The following TENM3 variants were observed in gnomAD, a reference collection of about 807,000 sequenced individuals.
The protein encoded by TENM3 is teneurin transmembrane protein 3.
A neutral mutation model predicts 255.1 loss-of-function variants in TENM3; 63 were observed. The observed-to-expected ratio is 0.25, with a 90% CI of 0.20 to 0.30. TENM3 has a LOEUF of 0.30. Ranked by LOEUF, TENM3 falls within the 10% of genes least tolerant of loss-of-function variation. The probability of loss-of-function intolerance (pLI) is 1.00; values close to 1 mark genes in which losing one functional copy is unlikely to be tolerated. For missense variants in TENM3, 2,929 were observed against 3,461.1 expected, an observed-to-expected ratio of 0.85 and a Z score of 3.86; for synonymous variants, 1,306 against 1,322.3, an observed-to-expected ratio of 0.99 and a Z score of 0.27.
At chr4:181,602,759 C>T in the TENM3 span, among the ~76,000 whole-genome samples, 2 of 152,186 alleles carry the variant, frequency 1.3e-5, no homozygotes, top group Non-Finnish European at 2.9e-5. Flanking sequence ...ACATATGGAT[C>T]ACTATAAGAG....
chr4:181,805,461 C>T, the TENM3 span, among the ~76,000 whole-genome samples: 1 of 152,106 alleles, frequency 6.6e-6, no homozygotes, highest in Non-Finnish European at 1.5e-5. Flanking sequence ...TTCAAGTGCC[C>T]ACGGAAAGGT....
chr4:182,455,024 G>T (rs1335775802), intron 3 of TENM3, among the ~76,000 whole-genome samples: 3 of 152,096 alleles, frequency 2.0e-5, no homozygotes, highest in African/African-American at 7.2e-5. Context: ...GAAAAAACTG[G>T]CCCATTACCA....
At chr4:182,234,108 G>T (rs764130681) in intron 1 of TENM3, among the ~76,000 whole-genome samples, 2 of 152,158 alleles carry the variant, frequency 1.3e-5, no homozygotes, top group African/African-American at 4.8e-5. Context: ...CAAGTTCACC[G>T]TGAAAGCCTG....
At chr4:181,605,548 A>AAGGG in the TENM3 span, among the ~76,000 whole-genome samples, 4 of 31,956 alleles carry the variant, frequency 1.3e-4, 1 homozygote, top group African/African-American at 3.0e-4. Flanking sequence ...GAAAGAAAGA[A>AAGGG]AGAAAGAAAG....
At chr4:182,502,111 C>CG (rs1736375757) in intron 3 of TENM3, among the ~76,000 whole-genome samples, 1 of 152,222 alleles carries the variant, frequency 6.6e-6, no homozygotes, top group Non-Finnish European at 1.5e-5. Flanking sequence ...TGTGAAGGCA[C>CG]TGCTCCATTG....
chr4:182,703,018 G>A (rs1758011362), intron 12 of TENM3, among the ~76,000 whole-genome samples: 1 of 152,212 alleles, frequency 6.6e-6, no homozygotes, highest in Admixed American at 6.5e-5. Context: ...TTACAGGCGT[G>A]AGCCACCGCG....
chr4:182,708,027 C>G (rs1446269636), intron 12 of TENM3: 1 of 149,018 alleles, frequency 6.7e-6, no homozygotes, highest in African/African-American at 2.5e-5. Context: ...CTCCAAGAGA[C>G]GACATTGTGA....
chr4:182,413,818 T>G (rs765711699), intron 3 of TENM3, among the ~76,000 whole-genome samples: 30 of 152,364 alleles, frequency 2.0e-4, no homozygotes, highest in Non-Finnish European at 3.5e-4. Flanking sequence ...AAATATCTTT[T>G]ATTTAATAAA....
rs1030337088 is a variant in TENM3, at chr4:182,199,377, G to A, written c.-76+54623G>A. Among the ~76,000 whole-genome samples the A allele has an allele frequency of 2.6e-5, 4 of 152,052 alleles. No individual in the cohort carries two copies. In the East Asian group the frequency reaches 5.8e-4, roughly 22 times the overall value. On this transcript the variant is annotated intron_variant, in intron 1 of 2. Transcript: ENST00000512480. ...GCGGAGGTTGCAGTGAGCCAAGATCGCACCACTGCACTCCAGCCTGGGCAA... is the reference window on the plus strand; with the variant it reads ...GCGGAGGTTGCAGTGAGCCAAGATCACACCACTGCACTCCAGCCTGGGCAA...
rs541724928 is a variant in TENM3 at position 182,207,319 on chromosome 4, T to C, written c.-76+62565T>C. On this transcript the variant is annotated intron_variant, in intron 1 of 2. Coordinates refer to the TENM3 transcript ENST00000512480. ...CCTGCTGGAAAATGTAAAACACTTA[T>C]TTAGGCAGCTCTAGGTTCACTTGGT... 1.2e-4 allele frequency among the ~76,000 whole-genome samples: 19 copies of C among 152,318 alleles called. No individual in the cohort carries two copies. In the South Asian group the frequency reaches 3.5e-3, roughly 28 times the overall value.
At chr4:182,283,467 G>A (rs954272712) in intron 1 of TENM3, among the ~76,000 whole-genome samples, 2 of 152,140 alleles carry the variant, frequency 1.3e-5, no homozygotes, top group Non-Finnish European at 2.9e-5. Flanking sequence ...TTCATCTTTT[G>A]GATGAATGGA....
At chr4:181,954,103 T>G in the TENM3 span, among the ~76,000 whole-genome samples, 5 of 152,240 alleles carry the variant, frequency 3.3e-5, no homozygotes, top group Admixed American at 1.3e-4. Context: ...TATCAGTAGC[T>G]CATTCCTTTT....
intron 4 of TENM3, 30 bp from the exon 5 acceptor site, chr4:182,628,621 A>C: frequency 7.3e-7 from 1 of 1,371,026 alleles, no homozygotes. Context: ...ACATATTTGT[A>C]TCTTATAATG....
intron 3 of TENM3, among the ~76,000 whole-genome samples, chr4:182,486,315 T>TGTG (rs1554074644): frequency 9.0e-6 from 1 of 111,338 alleles, no homozygotes; most frequent in Non-Finnish European, 1.7e-5. Flanking sequence ...TAATTGTGTG[T>TGTG]GGGGGGGAGG....
the TENM3 span, among the ~76,000 whole-genome samples, chr4:181,692,749 G>A: frequency 4.6e-5 from 7 of 152,182 alleles, no homozygotes; most frequent in Non-Finnish European, 8.8e-5. Context: ...GATGGTATGC[G>A]GGGCATCAGA....
chr4:181,553,324 A>G, the TENM3 span, among the ~76,000 whole-genome samples: 20,220 of 123,294 alleles, frequency 0.16, 1,618 homozygotes, highest in Middle Eastern at 0.3. Flanking sequence ...GTATGCGTAT[A>G]TATATATATA....
chr4:182,221,195 T>G (rs1755833080), intron 1 of TENM3, among the ~76,000 whole-genome samples: 1 of 152,234 alleles, frequency 6.6e-6, no homozygotes, highest in Admixed American at 6.5e-5. Context: ...ACCGTGCCTT[T>G]GTTACATGTG....
chr4:181,525,235 A>T, the TENM3 span, among the ~76,000 whole-genome samples: 8 of 151,706 alleles, frequency 5.3e-5, no homozygotes, highest in Non-Finnish European at 1.2e-4. Flanking sequence ...ACATGGTGAA[A>T]CCCCGTCTCT....
At chr4:182,180,720 G>C (rs1373543262) in intron 1 of TENM3, among the ~76,000 whole-genome samples, 1 of 149,558 alleles carries the variant, frequency 6.7e-6, no homozygotes, top group Non-Finnish European at 1.5e-5. Flanking sequence ...AAGTGATCCT[G>C]CCACCTGGGC....
Sources: gnomAD v4.1 joint callset for allele counts (sites outside exome capture counted in the v4.1 genomes callset) on GRCh38, gnomAD v4.1.1 for gene constraint, MANE v1.5 for transcripts, NCBI Gene and HGNC (gene_info 2026-07-23, HGNC 2026-07-21) for gene names.